TSNARE1: variants seen among roughly 807,000 people sequenced by gnomAD.
The protein encoded by TSNARE1 is t-SNARE domain-containing protein 1.
TSNARE1 carries 49 observed loss-of-function variants against 62.0 expected under a neutral mutation model. That is an observed-to-expected ratio of 0.79 (90% CI 0.63 to 1.00). The LOEUF (loss-of-function observed/expected upper bound fraction) is 1.00, where lower values mean the gene tolerates loss of function less well. Among genes scored for constraint, TSNARE1 ranks in the 50% least tolerant of loss-of-function variants. The probability of loss-of-function intolerance (pLI) is 0.00; values close to 1 mark genes in which losing one functional copy is unlikely to be tolerated. For synonymous variants in TSNARE1, 328 were observed against 294.4 expected (o/e 1.11, Z -1.17); for missense variants, 755 against 700.1 (o/e 1.08, Z -0.88).
chr8:142,261,972 C>T (rs896398669), intron 12 of TSNARE1, among the ~76,000 whole-genome samples: 2 of 152,230 alleles, frequency 1.3e-5, no homozygotes, highest in East Asian at 1.9e-4. Flanking sequence ...CATCCCACGG[C>T]GGGGCCAGCC....
At chr8:142,300,801 C>G (rs1439090047) in intron 9 of TSNARE1, among the ~76,000 whole-genome samples, 157 bp from the exon 10 acceptor site, 1 of 152,206 alleles carries the variant, frequency 6.6e-6, no homozygotes. Context: ...TCTGCGGCCA[C>G]GAGCCTGTCA....
In TSNARE1 at chr8:142,286,103, G is replaced by A. The variant is rs572353713; in HGVS notation, c.1291-1618C>T. Among the ~76,000 whole-genome samples the A allele has an allele frequency of 1.3e-4, 20 of 152,314 alleles. No individual in the cohort carries two copies. The East Asian group carries it at 2.5e-3, about 19-fold the overall frequency. On this transcript the variant is annotated intron_variant, in intron 10 of 13. Coordinates refer to ENST00000524325, the MANE Select transcript of TSNARE1 (RefSeq NM_145003.5). Reference sequence around the variant, plus strand: ...ACGCTGCACCTAGGACGGCTCCTCCGCTGGCCAGATGCATGGCCCTGGGCA... The same window carrying A: ...ACGCTGCACCTAGGACGGCTCCTCCACTGGCCAGATGCATGGCCCTGGGCA...
rs142325662 is a variant in TSNARE1 at position 142,237,046 on chromosome 8, G to A, written c.1447-7467C>T. On this transcript the variant is annotated intron_variant, in intron 12 of 13. Transcript: ENST00000524325. ...GAGCTTTTTAGGCAATCAAAAGCCCGGAGCCAGGGGCCTGAGGTTCCAGAA... is the reference window on the plus strand; with the variant it reads ...GAGCTTTTTAGGCAATCAAAAGCCCAGAGCCAGGGGCCTGAGGTTCCAGAA... Among the ~76,000 whole-genome samples, 38 of 152,262 alleles carry A rather than the reference G, an allele frequency of 2.5e-4. 1 individual carries two copies. The East Asian group carries it at 6.8e-3, about 27-fold the overall frequency.
chr8:142,266,168 G>C (rs1485978728), intron 12 of TSNARE1, among the ~76,000 whole-genome samples: 1 of 152,108 alleles, frequency 6.6e-6, no homozygotes, highest in Non-Finnish European at 1.5e-5. Flanking sequence ...CAGAATATTT[G>C]GACAATTCTT....
intron 1 of TSNARE1, among the ~76,000 whole-genome samples, chr8:142,374,138 T>C (rs1289163299): frequency 3.3e-5 from 5 of 151,982 alleles, no homozygotes; most frequent in African/African-American, 9.7e-5. Flanking sequence ...ACCCCGTCTC[T>C]ACTAAAAATA....
upstream of TSNARE1, chr8:142,404,912 C>G (rs904694700): frequency 1.3e-5 from 2 of 152,250 alleles, no homozygotes; most frequent in African/African-American, 4.8e-5. Flanking sequence ...AAAGTGAAGC[C>G]CTTTCCTCCC....
At chr8:142,252,000 G>A (rs1378407608) in intron 12 of TSNARE1, among the ~76,000 whole-genome samples, 2 of 131,640 alleles carry the variant, frequency 1.5e-5, no homozygotes, top group African/African-American at 2.9e-5. Flanking sequence ...CCCGCCACTC[G>A]CGTTCTCTAT....
At position 142,350,849 on chromosome 8, in the gene TSNARE1, G is replaced by A. The variant is rs574595490; in HGVS notation, c.88+3788C>T. Among the ~76,000 whole-genome samples the A allele has an allele frequency of 9.8e-5, 15 of 152,326 alleles. No individual in the cohort carries two copies. In the East Asian group the frequency reaches 1.5e-3, roughly 16 times the overall value. On this transcript the variant is annotated intron_variant, in intron 2 of 13. Coordinates refer to ENST00000524325, the MANE Select transcript of TSNARE1 (RefSeq NM_145003.5). ...TTGGAGGGAAATAAAGAGATGGAGG[G>A]AAGCCAGAGACAGAGACACACTCGA...
At chr8:142,229,121 A>ACTGGATGGTGGGTGGATAG (rs1816971552) in intron 13 of TSNARE1, among the ~76,000 whole-genome samples, 1 of 39,502 alleles carries the variant, frequency 2.5e-5, no homozygotes. Context: ...TGGATGGATA[A>ACTGGATGGTGGGTGGATAG]ATGGATGGTG....
chr8:142,370,640 T>TA (rs1272297536), intron 1 of TSNARE1, among the ~76,000 whole-genome samples: 1 of 150,986 alleles, frequency 6.6e-6, no homozygotes, highest in East Asian at 1.9e-4. Context: ...AAATACTAAA[T>TA]AAAAAAGAAG....
chr8:142,372,969 G>A (rs1836019268), intron 1 of TSNARE1, among the ~76,000 whole-genome samples: 1 of 152,124 alleles, frequency 6.6e-6, no homozygotes, highest in African/African-American at 2.4e-5. Context: ...CCAAGCCCCT[G>A]CCCCTGATTT....
At chr8:142,335,009 AAAT>A (rs1286675130) in intron 4 of TSNARE1, among the ~76,000 whole-genome samples, 5 of 152,252 alleles carry the variant, frequency 3.3e-5, no homozygotes, top group African/African-American at 1.2e-4. Flanking sequence ...CCAGAATGGT[AAAT>A]AGAAAAAAGA....
In TSNARE1 at chr8:142,319,276, C is replaced by T. The variant is rs560241799; in HGVS notation, c.894-642G>A. 8.5e-5 allele frequency among the ~76,000 whole-genome samples: 13 copies of T among 152,068 alleles called. No individual in the cohort carries two copies. Among genetic ancestry groups the T allele is most frequent in the Non-Finnish European group, 1.0e-4 (7 of 67,994 alleles). ...GCCAGCAGGAGAATCAGGGCAAGAG[C>T]GCCATGGCCCAGGGAGGCCAGCAGT... On this transcript the variant is annotated intron_variant, in intron 6 of 13. Coordinates refer to ENST00000524325, the MANE Select transcript of TSNARE1 (RefSeq NM_145003.5). This position sits in a 1 kb window ranked among gnomAD's most constrained non-coding sequence, Gnocchi z 4.9.
intron 11 of TSNARE1, chr8:142,276,872 C>T: frequency 1.0e-6 from 1 of 985,468 alleles, no homozygotes; most frequent in Non-Finnish European, 1.2e-6. Flanking sequence ...AGACACCTCA[C>T]ACAACCACTG....
At chr8:142,393,641 G>A (rs1444216934) in intron 1 of TSNARE1, among the ~76,000 whole-genome samples, 2 of 152,238 alleles carry the variant, frequency 1.3e-5, no homozygotes, top group East Asian at 3.8e-4. Flanking sequence ...TCCCTGGTCT[G>A]ACTCCCCGAG....
intron 10 of TSNARE1, among the ~76,000 whole-genome samples, chr8:142,284,979 A>G (rs1302059886): frequency 6.6e-6 from 1 of 152,228 alleles, no homozygotes; most frequent in Non-Finnish European, 1.5e-5. Flanking sequence ...GTGTAACAGC[A>G]CTGAGCATGG....
chr8:142,237,283 C>T (rs1167803068), intron 12 of TSNARE1, among the ~76,000 whole-genome samples: 1 of 152,226 alleles, frequency 6.6e-6, no homozygotes, highest in Non-Finnish European at 1.5e-5. Flanking sequence ...ACTGCTCCGC[C>T]CACCAGTGTG....
chr8:142,396,487 T>A (rs1394007692), intron 1 of TSNARE1, among the ~76,000 whole-genome samples: 1 of 152,210 alleles, frequency 6.6e-6, no homozygotes, highest in Non-Finnish European at 1.5e-5. Flanking sequence ...TGGAACATCA[T>A]CTCAAGATGG....
chr8:142,343,053 C>T (rs1345285057), intron 4 of TSNARE1, among the ~76,000 whole-genome samples: 1 of 152,232 alleles, frequency 6.6e-6, no homozygotes, highest in Non-Finnish European at 1.5e-5. Flanking sequence ...GACACTGGGC[C>T]CACGCTGACC....
Sources: allele counts gnomAD v4.1 joint callset (sites outside exome capture counted in the v4.1 genomes callset), GRCh38; gene constraint gnomAD v4.1.1; non-coding constraint Gnocchi (gnomAD v3.1); transcripts MANE v1.5; gene names NCBI Gene and HGNC (gene_info 2026-07-23, HGNC 2026-07-21).